The following ANGPTL4 variants were observed in gnomAD, a reference collection of about 807,000 sequenced individuals.
ANGPTL4 encodes angiopoietin-related protein 4.
A neutral mutation model predicts 39.2 loss-of-function variants in ANGPTL4; 39 were observed. The ratio of observed to expected loss-of-function variants is 1.00; its 90% CI spans 0.77 to 1.30. ANGPTL4 has a LOEUF of 1.30. Among genes scored for constraint, ANGPTL4 ranks in the 50% most tolerant of loss-of-function variants. The pLI is 0.00. For synonymous variants in ANGPTL4, 233 were observed against 229.5 expected (o/e 1.02, Z -0.14); for missense variants, 545 against 549.8 (o/e 0.99, Z 0.09).
chr19:8,365,456 C>T (rs570321458), intron 1 of ANGPTL4, among the ~76,000 whole-genome samples: 1 of 151,450 alleles, frequency 6.6e-6, no homozygotes, highest in African/African-American at 2.4e-5. Flanking sequence ...CCAGCCTGGG[C>T]GACAGAGCTC....
chr19:8,373,978 C>T lies in ANGPTL4; in HGVS notation c.*92C>T. Reference sequence around the variant, plus strand: ...GCCGTTCCCTGCCTGGGCAGGGGCTCCAAGGAGGGGCCATCTGGAAACTTG... The same window carrying T: ...GCCGTTCCCTGCCTGGGCAGGGGCTTCAAGGAGGGGCCATCTGGAAACTTG... On this transcript the variant is annotated 3_prime_UTR_variant, in exon 7 of 7. Coordinates refer to ENST00000301455, the MANE Select transcript of ANGPTL4 (RefSeq NM_139314.3). 5.6e-6 allele frequency: 8 copies of T among 1,419,670 alleles called. No individual in the cohort carries two copies. The highest frequency in any genetic ancestry group is 6.9e-6 in the Non-Finnish European group (7 of 1,017,920). 87.9% of individuals were successfully genotyped at this position (1,419,670 alleles called of 1,614,324 possible). A position where few individuals can be genotyped will look rare whatever the true frequency, so the allele number is the denominator to read the frequency against.
Position 8,371,387 on chromosome 19 carries a change from C to T in ANGPTL4, c.904C>T (p.Leu302=). ...HLGGEDTAYS[L]QLTAPVAGQL... ...GGGTGGCGAGGACACGGCCTATAGC[C>T]TGCAGCTCACTGCACCCGTGGCCGG... The change falls in exon 6 of 7, where the codon CTG becomes TTG. Residue 302 remains leucine, a synonymous_variant. Coordinates refer to ENST00000301455, the MANE Select transcript of ANGPTL4 (RefSeq NM_139314.3). This position sits in a 1 kb window ranked among gnomAD's most constrained non-coding sequence, Gnocchi z 5.1. The T allele has an allele frequency of 6.2e-7, 1 of 1,613,580 alleles. No individual in the cohort carries two copies. Among genetic ancestry groups the T allele is most frequent in the Non-Finnish European group, 8.5e-7 (1 of 1,180,012 alleles).
chr19:8,364,230 T>C lies in ANGPTL4; in HGVS notation c.-92T>C. 1 of 1,352,022 alleles carries C rather than the reference T, an allele frequency of 7.4e-7. No individual in the cohort carries two copies. The highest frequency in any genetic ancestry group is 1.0e-6 in the Non-Finnish European group (1 of 1,001,124). 83.8% of individuals were successfully genotyped at this position (1,352,022 alleles called of 1,614,324 possible). A position where few individuals can be genotyped will look rare whatever the true frequency, so the allele number is the denominator to read the frequency against. ...GCGGCTTCTGCAACCAAGCGGGTCT[T>C]ACCCCCGGTCCTCCGCGTCTCCAGT... On this transcript the variant is annotated 5_prime_UTR_variant, in exon 1 of 7. Coordinates refer to ENST00000301455, the MANE Select transcript of ANGPTL4 (RefSeq NM_139314.3).
chr19:8,373,405 A>G (rs1971163853), intron 6 of ANGPTL4, among the ~76,000 whole-genome samples: 1 of 151,486 alleles, frequency 6.6e-6, no homozygotes, highest in Middle Eastern at 3.2e-3. Flanking sequence ...CTCAGTCTCA[A>G]AAAAAAAGAC....
Position 8,374,212 on chromosome 19 carries a change from T to G in ANGPTL4, c.*326T>G. The G allele has an allele frequency of 2.7e-6, 1 of 367,590 alleles. No individual in the cohort carries two copies. The highest frequency in any genetic ancestry group is 5.2e-6 in the Non-Finnish European group (1 of 193,088). 22.8% of individuals were successfully genotyped at this position (367,590 alleles called of 1,614,324 possible). On this transcript the variant is annotated 3_prime_UTR_variant, in exon 7 of 7. Transcript: ENST00000301455. ...AGCCAGACTGGCCTCAATGGCGGAC[T>G]CAGTCACATTGACTGACGGGGACCA...
In ANGPTL4 at chr19:8,371,707, T is replaced by C. The variant is rs796548938; in HGVS notation, c.1039+185T>C. Among the ~76,000 whole-genome samples, 3 of 152,290 alleles carry C rather than the reference T, an allele frequency of 2.0e-5. No homozygotes were observed. The highest frequency in any genetic ancestry group is 7.2e-5 in the African/African-American group (3 of 41,574). On this transcript the variant is annotated intron_variant, in intron 6 of 6. Transcript: ENST00000301455. The surrounding 1 kb of genome is among the most constrained non-coding windows in gnomAD (Gnocchi z 5.1). ...CTCAGTTTTCCCATCCTGAAAAGGG[T>C]CTTGACCGTCTTTACTTTTATTTAC...
chr19:8,364,401 C>T lies in ANGPTL4; in HGVS notation c.80C>T (p.Pro27Leu). 5 of 1,546,858 alleles carry T rather than the reference C, an allele frequency of 3.2e-6. No homozygotes were observed. Among genetic ancestry groups the T allele is most frequent in the Non-Finnish European group, 4.3e-6 (5 of 1,149,456 alleles). Residue 27 changes from proline to leucine, a missense_variant, in exon 1 of 7, where the codon CCC becomes CTC. Physicochemically the swap from Pro to Leu is moderately conservative, Grantham distance 98. Transcript: ENST00000301455. ...GTGCTACTGAGCGCTCAGGGCGGACCCGTGCAGTCCAAGTCGCCGCGCTTT... is the reference window on the plus strand; with the variant it reads ...GTGCTACTGAGCGCTCAGGGCGGACTCGTGCAGTCCAAGTCGCCGCGCTTT... ...TAVLLSAQGG[P>L]VQSKSPRFAS...
chr19:8,365,299 G>GCTCTACT (rs1970979958), intron 1 of ANGPTL4, among the ~76,000 whole-genome samples: 1 of 151,616 alleles, frequency 6.6e-6, no homozygotes, highest in East Asian at 1.9e-4. Flanking sequence ...CCAACACAGT[G>GCTCTACT]AAACCCCGTC....
In ANGPTL4 at chr19:8,373,784, G is replaced by A. The variant is rs1971175268; in HGVS notation, c.1119G>A (p.Lys373=). Residue 373 remains lysine, a synonymous_variant, in exon 7 of 7, where the codon AAG becomes AAA. Transcript: ENST00000301455. ...YFRSIPQQRQ[K]LKKGIFWKTW... ...GCTCCATCCCACAGCAGCGGCAGAA[G>A]CTTAAGAAGGGAATCTTCTGGAAGA... 1.2e-6 allele frequency: 2 copies of A among 1,614,096 alleles called. No individual in the cohort carries two copies. The highest frequency in any genetic ancestry group is 1.7e-6 in the Non-Finnish European group (2 of 1,180,036).
At chr19:8,365,887 G>A in intron 1 of ANGPTL4, 67 bp from the exon 2 acceptor site, 1 of 1,143,326 alleles carries the variant, frequency 8.7e-7, no homozygotes, top group Non-Finnish European at 1.3e-6. Flanking sequence ...AAGGATGGAT[G>A]AGTGGATGAA....
At chr19:8,370,848 C>T (rs1284181748) in intron 4 of ANGPTL4, among the ~76,000 whole-genome samples, 1 of 152,156 alleles carries the variant, frequency 6.6e-6, no homozygotes, top group East Asian at 1.9e-4. Flanking sequence ...CACACTCAGT[C>T]CCTGCTGGGT....
rs1484852864 is a variant in ANGPTL4 at position 8,365,985 on chromosome 19, A to G, written c.350A>G (p.Gln117Arg). 2 of 1,614,054 alleles carry G rather than the reference A, an allele frequency of 1.2e-6. No individual in the cohort carries two copies. Among genetic ancestry groups the G allele is most frequent in the African/African-American group, 2.7e-5 (2 of 74,918 alleles). The change falls in exon 2 of 7, where the codon CAG becomes CGG. Residue 117 changes from glutamine to arginine, a missense_variant. Coordinates refer to ENST00000301455, the MANE Select transcript of ANGPTL4 (RefSeq NM_139314.3). Reference sequence around the variant, plus strand: ...CTCAAGGCTCAGAACAGCAGGATCCAGCAACTCTTCCACAAGGTGGCCCAG... The same window carrying G: ...CTCAAGGCTCAGAACAGCAGGATCCGGCAACTCTTCCACAAGGTGGCCCAG... ...TQLKAQNSRIQQLFHKVAQQQ... is the reference protein window; with the variant it reads ...TQLKAQNSRIRQLFHKVAQQQ...
At chr19:8,367,652 C>T (rs889706606) in intron 3 of ANGPTL4, among the ~76,000 whole-genome samples, 2 of 152,068 alleles carry the variant, frequency 1.3e-5, no homozygotes, top group African/African-American at 4.8e-5. Flanking sequence ...TCTGAGCCTC[C>T]AGACGTGCTC....
At chr19:8,372,047 C>T (rs960104746) in intron 6 of ANGPTL4, among the ~76,000 whole-genome samples, 5 of 139,898 alleles carry the variant, frequency 3.6e-5, no homozygotes, top group South Asian at 2.3e-4. Flanking sequence ...CGTGAGCCAC[C>T]GCGCCCGGCC....
intron 4 of ANGPTL4, 57 bp from the exon 5 acceptor site, chr19:8,370,999 G>C: frequency 6.5e-7 from 1 of 1,541,708 alleles, no homozygotes; most frequent in Non-Finnish European, 8.8e-7. Flanking sequence ...GCCAGATGAG[G>C]GAGTGGGGTC....
chr19:8,364,351 C>T lies in ANGPTL4; in HGVS notation c.30C>T (p.Ala10=). 1.9e-6 allele frequency: 3 copies of T among 1,549,110 alleles called. No individual in the cohort carries two copies. Among genetic ancestry groups the T allele is most frequent in the Non-Finnish European group, 2.6e-6 (3 of 1,151,678 alleles). ...GCGGTGCTCCGACGGCCGGGGCAGC[C>T]CTGATGCTCTGCGCCGCCACCGCCG... is the stretch of plus-strand genomic sequence containing the variant. The part of the protein sequence containing the change: MSGAPTAGA[A]LMLCAATAVL... The change falls in exon 1 of 7, where the codon GCC becomes GCT. Residue 10 remains alanine (A), a synonymous_variant. Coordinates refer to ENST00000301455, the MANE Select transcript of ANGPTL4 (RefSeq NM_139314.3).
At chr19:8,369,173 C>T (rs777541240) in intron 3 of ANGPTL4, 46 bp from the exon 4 acceptor site, 4 of 1,536,346 alleles carry the variant, frequency 2.6e-6, no homozygotes, top group East Asian at 2.3e-5. Flanking sequence ...AGACCCCCCC[C>T]AGGGGCTGCC....
chr19:8,369,419 T>G, intron 4 of ANGPTL4, 87 bp downstream of exon 4: 1 of 1,000,380 alleles, frequency 1.0e-6, no homozygotes, highest in Non-Finnish European at 1.5e-6. Context: ...AACAAAAAAA[T>G]TAAAGGCAGG....
At chr19:8,366,470 G>T in intron 3 of ANGPTL4, 151 bp downstream of exon 3, 1 of 902,608 alleles carries the variant, frequency 1.1e-6, no homozygotes, top group Non-Finnish European at 1.7e-6. Flanking sequence ...AAAGCTGATG[G>T]GAGCACCTCC....
Sources: gnomAD v4.1 joint callset for allele counts (sites outside exome capture counted in the v4.1 genomes callset) on GRCh38, gnomAD v4.1.1 for gene constraint, Gnocchi (gnomAD v3.1) non-coding constraint, MANE v1.5 for transcripts, NCBI Gene and HGNC (gene_info 2026-07-23, HGNC 2026-07-21) for gene names.